The following CACNA1S variants were observed in gnomAD, a reference collection of about 807,000 sequenced individuals.
The protein encoded by CACNA1S is voltage-dependent L-type calcium channel subunit alpha-1S.
In CACNA1S, 126 loss-of-function variants were observed where a neutral mutation model predicts 207.4. The ratio of observed to expected loss-of-function variants is 0.61; its 90% CI spans 0.53 to 0.70. The LOEUF (loss-of-function observed/expected upper bound fraction) is 0.70. CACNA1S is among the 30% of genes least tolerant of loss of function. The probability of loss-of-function intolerance (pLI) is 0.00; values close to 1 mark genes in which losing one functional copy is unlikely to be tolerated. For synonymous variants in CACNA1S, 960 were observed against 932.7 expected, an observed-to-expected ratio of 1.03 and a Z score of -0.53; for missense variants, 2,349 against 2,422.8, an observed-to-expected ratio of 0.97 and a Z score of 0.64.
rs1174600402 is a variant in CACNA1S, at chr1:201,092,200, C to T, written c.399-86G>A. On this transcript the variant is annotated intron_variant, in intron 3 of 43. Coordinates refer to ENST00000362061, the MANE Select transcript of CACNA1S (RefSeq NM_000069.3). Reference sequence around the variant, plus strand: ...TCTGAGGCCCTGTGTCCTGTCCATGCTTGAGCACCTGTGGAAAGGCCTAGG... The same window carrying T: ...TCTGAGGCCCTGTGTCCTGTCCATGTTTGAGCACCTGTGGAAAGGCCTAGG... The T allele has an allele frequency of 4.0e-6, 6 of 1,502,766 alleles. No homozygotes were observed. The Admixed American group carries it at 1.0e-4, about 25-fold the overall frequency. 93.1% of individuals were successfully genotyped at this position (1,502,766 alleles called of 1,614,324 possible). A position where few individuals can be genotyped will look rare whatever the true frequency, so the allele number is the denominator to read the frequency against.
chr1:201,048,793 G>T, intron 35 of CACNA1S, 109 bp from the exon 36 acceptor site: 1 of 982,206 alleles, frequency 1.0e-6, no homozygotes, highest in Non-Finnish European at 1.6e-6. Flanking sequence ...CGAGGGCTGG[G>T]GGTGTCAGCT....
chr1:201,069,233 G>T, intron 18 of CACNA1S, 37 bp from the exon 19 acceptor site: 1 of 1,584,990 alleles, frequency 6.3e-7, no homozygotes, highest in Non-Finnish European at 8.7e-7. Context: ...GCCAGTGAGA[G>T]GAGGAGGGGG....
chr1:201,056,054 G>C (rs886736411), intron 28 of CACNA1S, among the ~76,000 whole-genome samples: 8 of 126,598 alleles, frequency 6.3e-5, no homozygotes, highest in East Asian at 5.6e-4. Context: ...CACACACACA[G>C]ACAGACAGAC....
At chr1:201,063,823 G>A (rs946394954) in intron 22 of CACNA1S, among the ~76,000 whole-genome samples, 1 of 152,212 alleles carries the variant, frequency 6.6e-6, no homozygotes, top group African/African-American at 2.4e-5. Context: ...GGTACTGGGG[G>A]TAAGCAGAGA....
At chr1:201,050,023 C>T (rs1558055872) in intron 34 of CACNA1S, among the ~76,000 whole-genome samples, 1 of 152,198 alleles carries the variant, frequency 6.6e-6, no homozygotes, top group Non-Finnish European at 1.5e-5. Context: ...GAGTTAGATT[C>T]AGTCAGCCTG....
At chr1:201,096,279 G>T (rs1662428367) in intron 2 of CACNA1S, among the ~76,000 whole-genome samples, 1 of 152,186 alleles carries the variant, frequency 6.6e-6, no homozygotes, top group Non-Finnish European at 1.5e-5. Context: ...TTAAAACTCA[G>T]TACCATACAA....
intron 15 of CACNA1S, 123 bp downstream of exon 15, chr1:201,073,426 C>T: frequency 1.2e-6 from 1 of 829,404 alleles, no homozygotes; most frequent in Non-Finnish European, 2.1e-6. Context: ...GGGAGATGCC[C>T]TCACCTGGCT....
rs529185460 is a variant in CACNA1S, at chr1:201,060,842, C to A, written c.3256-26G>T. The A allele has an allele frequency of 1.9e-6, 3 of 1,613,876 alleles. No individual in the cohort carries two copies. The East Asian group carries it at 6.7e-5, about 36-fold the overall frequency. ...CTGTGACACATACAACAGGACAGGT[C>A]AGCACCAAGAGGCCCCTCCCTCCCT... On this transcript the variant is annotated intron_variant, in intron 25 of 43. Transcript: ENST00000362061.
At chr1:201,084,521 G>C (rs1661960416) in intron 9 of CACNA1S, among the ~76,000 whole-genome samples, 1 of 152,240 alleles carries the variant, frequency 6.6e-6, no homozygotes, top group African/African-American at 2.4e-5. Context: ...AATGGCGAGA[G>C]AGCGTGGAGT....
intron 26 of CACNA1S, among the ~76,000 whole-genome samples, 198 bp from the exon 27 acceptor site, chr1:201,059,497 C>T (rs2102571760): frequency 6.6e-6 from 1 of 152,320 alleles, no homozygotes; most frequent in Non-Finnish European, 1.5e-5. Context: ...GAACACCCTC[C>T]CCCTACCCCA....
chr1:201,095,088 T>G (rs1201503107), intron 2 of CACNA1S, among the ~76,000 whole-genome samples: 1 of 151,688 alleles, frequency 6.6e-6, no homozygotes, highest in Non-Finnish European at 1.5e-5. Flanking sequence ...GCCTGCAGTC[T>G]AGGCCAGCCT....
chr1:201,112,025 G>C (rs540772389), intron 1 of CACNA1S, among the ~76,000 whole-genome samples, 163 bp downstream of exon 1: 1 of 77,414 alleles, frequency 1.3e-5, no homozygotes, highest in Non-Finnish European at 2.5e-5. Flanking sequence ...CTGCTTAGCC[G>C]AGGGCTCCTT....
intron 2 of CACNA1S, among the ~76,000 whole-genome samples, chr1:201,097,032 C>G (rs560568752): frequency 6.6e-6 from 1 of 152,092 alleles, no homozygotes; most frequent in Non-Finnish European, 1.5e-5. Flanking sequence ...ACTCAGTGGC[C>G]CAAGCCAGAA....
chr1:201,077,396 A>G (rs1406310647), intron 11 of CACNA1S, among the ~76,000 whole-genome samples: 1 of 152,222 alleles, frequency 6.6e-6, no homozygotes, highest in African/African-American at 2.4e-5. Context: ...GAGAATAAGG[A>G]CAGCTTTTCT....
At chr1:201,078,851 A>G (rs1452533605) in intron 10 of CACNA1S, among the ~76,000 whole-genome samples, 1 of 152,090 alleles carries the variant, frequency 6.6e-6, no homozygotes, top group Non-Finnish European at 1.5e-5. Flanking sequence ...GGCCGAGCGC[A>G]GTGACTCACA....
chr1:201,103,629 T>C (rs1277522722), intron 2 of CACNA1S, among the ~76,000 whole-genome samples: 2 of 152,142 alleles, frequency 1.3e-5, no homozygotes, highest in Non-Finnish European at 2.9e-5. Flanking sequence ...ACAGACCCTT[T>C]TGGAGCACCA....
Position 201,040,302 on chromosome 1 carries a change from G to T in CACNA1S, c.5299C>A (p.Pro1767Thr), listed in dbSNP as rs200434921. 1.6e-4 allele frequency: 253 copies of T among 1,613,728 alleles called. No homozygotes were observed. Among genetic ancestry groups the T allele is most frequent in the Middle Eastern group, 3.3e-4 (2 of 6,046 alleles). Reference protein sequence around the residue: ...STPGSLHEETPHSRSTRENTS... With the variant: ...STPGSLHEETTHSRSTRENTS... ...TTCTCCCTGGTGCTCCTGCTGTGGG[G>T]TGTCTCCTCATGAAGAGACCCTGGT... The change falls in exon 43 of 44, where the codon CCC (proline) becomes ACC (threonine). Residue 1767 changes from proline (P) to threonine (T), a missense_variant. Transcript: ENST00000362061.
rs776228535 is a variant in CACNA1S at position 201,077,872 on chromosome 1, C to A, written c.1619+7G>T. On this transcript the variant is annotated splice_region_variant and intron_variant, in intron 11 of 43. Coordinates refer to ENST00000362061, the MANE Select transcript of CACNA1S (RefSeq NM_000069.3). ...ACCCGGGAGTGCCAGCCGACCCCGG[C>A]ACTCACTTGGTGATCTTGAAGATCC... The A allele has an allele frequency of 6.2e-7, 1 of 1,609,622 alleles. No homozygotes were observed. Among genetic ancestry groups the A allele is most frequent in the Admixed American group, 1.7e-5 (1 of 60,018 alleles).
chr1:201,099,810 T>C (rs2102175948), intron 2 of CACNA1S, among the ~76,000 whole-genome samples: 1 of 152,324 alleles, frequency 6.6e-6, no homozygotes, highest in Non-Finnish European at 1.5e-5. Flanking sequence ...AGCTGACAGC[T>C]GGACTGGGCC....
Sources: gnomAD v4.1 joint callset for allele counts (sites outside exome capture counted in the v4.1 genomes callset) on GRCh38, gnomAD v4.1.1 for gene constraint, MANE v1.5 for transcripts, NCBI Gene and HGNC (gene_info 2026-07-23, HGNC 2026-07-21) for gene names.